Variants in ARHGAP24 observed in about 807,000 individuals in gnomAD.
ARHGAP24 encodes the protein Rho GTPase activating protein 24, also known as rho GTPase-activating protein 24.
Under a neutral mutation model 76.4 loss-of-function variants are expected in ARHGAP24, and 50 were observed. The ratio of observed to expected loss-of-function variants is 0.65; its 90% CI spans 0.52 to 0.83. The LOEUF is 0.83. Among genes scored for constraint, ARHGAP24 ranks in the 40% least tolerant of loss-of-function variants. The pLI is 0.00. For synonymous variants in ARHGAP24, 345 were observed against 323.3 expected, an observed-to-expected ratio of 1.07 and a Z score of -0.72; for missense variants, 930 against 914.2, an observed-to-expected ratio of 1.02 and a Z score of -0.22.
At chr4:85,656,685 C>A (rs572043403) in intron 2 of ARHGAP24, among the ~76,000 whole-genome samples, 29 of 152,058 alleles carry the variant, frequency 1.9e-4, no homozygotes, top group Admixed American at 2.6e-4. Flanking sequence ...CCAGGATGGT[C>A]TCGATCTCCT....
chr4:85,983,528 AAAC>A (rs942339692), intron 8 of ARHGAP24, among the ~76,000 whole-genome samples: 8 of 152,174 alleles, frequency 5.3e-5, no homozygotes, highest in African/African-American at 1.9e-4. Context: ...ACAAAAACAA[AAAC>A]AACCCCATTA....
chr4:85,743,212 C>T (rs1725889790), intron 3 of ARHGAP24, among the ~76,000 whole-genome samples: 1 of 151,636 alleles, frequency 6.6e-6, no homozygotes, highest in African/African-American at 2.4e-5. Flanking sequence ...AGCTAGAGCA[C>T]ATCACTGCCT....
At chr4:85,910,280 C>T (rs549607348) in intron 3 of ARHGAP24, among the ~76,000 whole-genome samples, 4 of 152,320 alleles carry the variant, frequency 2.6e-5, no homozygotes, top group African/African-American at 9.6e-5. Context: ...TGAGGGACCA[C>T]GGTTCTTTTC....
intron 3 of ARHGAP24, among the ~76,000 whole-genome samples, chr4:85,878,860 C>T (rs1733084170): frequency 6.6e-6 from 1 of 152,150 alleles, no homozygotes; most frequent in Non-Finnish European, 1.5e-5. Flanking sequence ...TTCTGCACAA[C>T]CTTGAATTTT....
chr4:85,633,365 G>A (rs28481407), intron 2 of ARHGAP24, among the ~76,000 whole-genome samples: 49,944 of 151,566 alleles, frequency 0.33, 9,262 homozygotes, highest in East Asian at 0.84. Context: ...ATGATTTTTG[G>A]CAAATTAGCA....
chr4:85,720,178 G>A (rs1423411818), intron 2 of ARHGAP24, among the ~76,000 whole-genome samples: 1 of 152,040 alleles, frequency 6.6e-6, no homozygotes, highest in Non-Finnish European at 1.5e-5. Context: ...ACAAGTTAAT[G>A]GGTGCAGCAC....
At chr4:85,861,004 A>G (rs1339646281) in intron 3 of ARHGAP24, among the ~76,000 whole-genome samples, 5 of 144,434 alleles carry the variant, frequency 3.5e-5, no homozygotes, top group South Asian at 2.1e-4. Flanking sequence ...ATGCACGCAC[A>G]CACACACACA....
At chr4:85,934,569 C>T (rs1451774337) in intron 4 of ARHGAP24, among the ~76,000 whole-genome samples, 1 of 152,116 alleles carries the variant, frequency 6.6e-6, no homozygotes, top group African/African-American at 2.4e-5. Flanking sequence ...GGCTGGAGTG[C>T]GGTGGTGAAA....
At chr4:85,787,639 A>G (rs1727913055) in intron 3 of ARHGAP24, among the ~76,000 whole-genome samples, 3 of 152,222 alleles carry the variant, frequency 2.0e-5, no homozygotes, top group Admixed American at 2.0e-4. Flanking sequence ...AATAAAACAG[A>G]TTTCTTTACC....
intron 5 of ARHGAP24, among the ~76,000 whole-genome samples, chr4:85,949,790 G>A (rs1037947049): frequency 2.6e-5 from 4 of 152,152 alleles, no homozygotes; most frequent in African/African-American, 9.7e-5. Flanking sequence ...ATATAAGGAT[G>A]AGAGAAACTA....
At chr4:85,743,530 T>A (rs4693734) in intron 3 of ARHGAP24, among the ~76,000 whole-genome samples, 22,667 of 150,150 alleles carry the variant, frequency 0.15, 2,360 homozygotes, top group East Asian at 0.55. Context: ...ATTGCACCAC[T>A]GTACTCTAGC....
intron 1 of ARHGAP24, among the ~76,000 whole-genome samples, chr4:85,540,556 A>G (rs1460328772): frequency 6.6e-6 from 1 of 152,218 alleles, no homozygotes; most frequent in Non-Finnish European, 1.5e-5. Context: ...CATAATTTAC[A>G]TACAGTTTAT....
chr4:85,600,636 A>T (rs1720000075), intron 2 of ARHGAP24, among the ~76,000 whole-genome samples: 1 of 152,230 alleles, frequency 6.6e-6, no homozygotes, highest in East Asian at 1.9e-4. Flanking sequence ...TTTAGATCAC[A>T]CATGGCAAAG....
At chr4:85,563,221 C>A (rs1726669509) in intron 1 of ARHGAP24, among the ~76,000 whole-genome samples, 1 of 152,146 alleles carries the variant, frequency 6.6e-6, no homozygotes. Flanking sequence ...CATTCAGACC[C>A]TGTGGTGGAG....
At chr4:85,736,907 A>G (rs899961372) in intron 3 of ARHGAP24, among the ~76,000 whole-genome samples, 9 of 152,202 alleles carry the variant, frequency 5.9e-5, no homozygotes, top group Admixed American at 3.3e-4. Context: ...GTCTACCATC[A>G]TATGTGCCTA....
At chr4:85,483,184 CAG>C (rs752761001) in intron 1 of ARHGAP24, among the ~76,000 whole-genome samples, 38 of 152,200 alleles carry the variant, frequency 2.5e-4, no homozygotes, top group Admixed American at 5.2e-4. Context: ...CAGTGACAAA[CAG>C]GGGGAATCCT....
chr4:85,816,632 G>GTA (rs924909630), intron 3 of ARHGAP24, among the ~76,000 whole-genome samples: 2 of 151,842 alleles, frequency 1.3e-5, no homozygotes, highest in African/African-American at 4.8e-5. Flanking sequence ...TGGTCATTTG[G>GTA]TATACATATA....
chr4:85,769,564 T>C (rs1168752759), intron 3 of ARHGAP24, among the ~76,000 whole-genome samples: 1 of 152,186 alleles, frequency 6.6e-6, no homozygotes, highest in Non-Finnish European at 1.5e-5. Flanking sequence ...GGATAGATAT[T>C]GATAGCTTGA....
intron 2 of ARHGAP24, among the ~76,000 whole-genome samples, chr4:85,720,922 G>T (rs980634044): frequency 6.6e-6 from 1 of 152,160 alleles, no homozygotes; most frequent in East Asian, 1.9e-4. Flanking sequence ...CATGTAAGTG[G>T]AATGCTGGGT....
Sources: allele counts gnomAD v4.1 joint callset (sites outside exome capture counted in the v4.1 genomes callset), GRCh38; gene constraint gnomAD v4.1.1; transcripts MANE v1.5; gene names NCBI Gene and HGNC (gene_info 2026-07-23, HGNC 2026-07-21).